MDM1: variants seen among roughly 807,000 people sequenced by gnomAD.
MDM1 encodes stabilizer of axonemal microtubules 6, also known as Mdm1 nuclear protein.
MDM1 carries 61 observed loss-of-function variants against 89.1 expected under a neutral mutation model. The ratio of observed to expected loss-of-function variants is 0.68; its 90% confidence interval spans 0.56 to 0.85. MDM1 has a LOEUF of 0.85. Ranked by LOEUF, MDM1 falls within the 40% of genes least tolerant of loss-of-function variation. The probability of loss-of-function intolerance (pLI) is 0.00; values close to 1 mark genes in which losing one functional copy is unlikely to be tolerated. For missense variants in MDM1, 820 were observed against 846.5 expected (o/e 0.97, Z 0.39); for synonymous variants, 290 against 294.1 (o/e 0.99, Z 0.14).
At chr12:68,332,077 G>T in intron 1 of MDM1, 151 bp downstream of exon 1, 2 of 1,062,660 alleles carry the variant, frequency 1.9e-6, no homozygotes, top group Non-Finnish European at 2.8e-6. Context: ...GCGGCGGGCA[G>T]ATTCTGGGGC....
At chr12:68,303,949 G>T (rs1487147476) in intron 12 of MDM1, among the ~76,000 whole-genome samples, 3 of 152,142 alleles carry the variant, frequency 2.0e-5, no homozygotes, top group African/African-American at 7.2e-5. Flanking sequence ...TTTAAAAGAA[G>T]GCAGCTAGCT....
intron 1 of MDM1, 179 bp downstream of exon 1, chr12:68,332,049 A>C: frequency 1.3e-6 from 1 of 776,084 alleles, no homozygotes; most frequent in Non-Finnish European, 2.2e-6. Context: ...GTGAGCGGAG[A>C]GGGAACTAGG....
intron 12 of MDM1, among the ~76,000 whole-genome samples, 154 bp from the exon 13 acceptor site, chr12:68,303,026 GACAA>G (rs2120800205): frequency 6.6e-6 from 1 of 151,900 alleles, no homozygotes; most frequent in East Asian, 1.9e-4. Context: ...ATATGATATA[GACAA>G]ACAGACCTGG....
rs149885352 is a variant in MDM1, at chr12:68,304,664, C to T, written c.1750-1792G>A. Among the ~76,000 whole-genome samples the T allele has an allele frequency of 4.2e-3, 641 of 151,996 alleles. 7 individuals are homozygous for T. Among genetic ancestry groups the T allele is most frequent in the African/African-American group, 0.014 (595 of 41,438 alleles). Reference sequence around the variant, plus strand: ...CTGGTTTTACAATTGCTGAAAACACCGGAAAGAAACCTGTAAAATAAAAGA... The same window carrying T: ...CTGGTTTTACAATTGCTGAAAACACTGGAAAGAAACCTGTAAAATAAAAGA... On this transcript the variant is annotated intron_variant, in intron 12 of 14. Transcript: ENST00000682720.
rs184435937 is a variant in MDM1 at position 68,310,204 on chromosome 12, C to T, written c.1749+3239G>A. Among the ~76,000 whole-genome samples, 3 of 152,330 alleles carry T rather than the reference C, an allele frequency of 2.0e-5. No individual in the cohort carries two copies. In the East Asian group the frequency reaches 5.8e-4, roughly 29 times the overall value. ...CAGGCTGGTCTTGAACTCCTGGCTT[C>T]ATGTGATCCTCCCACCTTGGCCTCC... On this transcript the variant is annotated intron_variant, in intron 12 of 14. Transcript: ENST00000682720.
intron 5 of MDM1, 77 bp downstream of exon 5, chr12:68,322,995 TG>T: frequency 1.4e-6 from 2 of 1,391,282 alleles, no homozygotes; most frequent in Non-Finnish European, 2.0e-6. Flanking sequence ...AACTCCCAGG[TG>T]GTAGTAAGTA....
At chr12:68,322,720 T>C (rs1269527388) in intron 5 of MDM1, among the ~76,000 whole-genome samples, 2 of 152,262 alleles carry the variant, frequency 1.3e-5, no homozygotes, top group Non-Finnish European at 2.9e-5. Flanking sequence ...TCACTACTGT[T>C]ACCCCTGGAG....
chr12:68,301,725 T>C (rs921571220), intron 13 of MDM1, among the ~76,000 whole-genome samples: 1 of 151,792 alleles, frequency 6.6e-6, no homozygotes, highest in African/African-American at 2.4e-5. Flanking sequence ...ATAGGAGCCC[T>C]AGAAAGAGGA....
chr12:68,325,533 G>T lies in MDM1; in HGVS notation c.541C>A (p.Pro181Thr), dbSNP rs1312365284. Reference sequence around the variant, plus strand: ...GAATTTCTCAAGGCATTATATGAAGGAACAACAGTCAATCCAGCTTTCTTA... The same window carrying T: ...GAATTTCTCAAGGCATTATATGAAGTAACAACAGTCAATCCAGCTTTCTTA... ...LRKKAGLTVVPSYNALRNSEY... is the reference protein window; with the variant it reads ...LRKKAGLTVVTSYNALRNSEY... Residue 181 changes from proline to threonine, a missense_variant, in exon 4 of 15, where the codon CCT becomes ACT. Physicochemically the swap from Pro to Thr is conservative, Grantham distance 38. Transcript: ENST00000682720. 6.3e-7 allele frequency: 1 copy of T among 1,593,682 alleles called. No individual in the cohort carries two copies. Among genetic ancestry groups the T allele is most frequent in the South Asian group, 1.2e-5 (1 of 86,028 alleles).
At chr12:68,325,805 A>C in intron 3 of MDM1, 1 of 1,154,730 alleles carries the variant, frequency 8.7e-7, no homozygotes, top group Non-Finnish European at 1.1e-6. Context: ...CTATCAAAGG[A>C]CTATTAGGCA....
chr12:68,321,939 T>C (rs1347813734), intron 5 of MDM1, among the ~76,000 whole-genome samples: 1 of 152,234 alleles, frequency 6.6e-6, no homozygotes, highest in African/African-American at 2.4e-5. Flanking sequence ...TACCACATAC[T>C]GAATTTGATA....
chr12:68,298,556 A>T (rs1169383349), intron 13 of MDM1, among the ~76,000 whole-genome samples: 1 of 152,120 alleles, frequency 6.6e-6, no homozygotes, highest in African/African-American at 2.4e-5. Context: ...GCCTTCCTGG[A>T]ACACTTTAGG....
Position 68,314,914 on chromosome 12 carries a change from C to T in MDM1, c.1529+34G>A, listed in dbSNP as rs370046386. Reference sequence around the variant, plus strand: ...AAATACATATCAACCATGTAAATAACGCTTCTCTATACTGAGTAATTTAAA... The same window carrying T: ...AAATACATATCAACCATGTAAATAATGCTTCTCTATACTGAGTAATTTAAA... On this transcript the variant is annotated intron_variant, in intron 10 of 14. Coordinates refer to ENST00000682720, the MANE Select transcript of MDM1 (RefSeq NM_001354969.2). 47 of 1,524,918 alleles carry T rather than the reference C, an allele frequency of 3.1e-5. No homozygotes were observed. The African/African-American group carries it at 5.2e-4, about 17-fold the overall frequency. The allele number at this position is 1,524,918 out of a possible 1,614,324, so 94.5% of individuals were successfully genotyped here.
rs992389394 is a variant in MDM1 at position 68,323,009 on chromosome 12, C to T, written c.801+64G>A. 7.9e-6 allele frequency: 12 copies of T among 1,511,894 alleles called. No individual in the cohort carries two copies. The South Asian group carries it at 1.0e-4, about 13-fold the overall frequency. 93.7% of individuals were successfully genotyped at this position (1,511,894 alleles called of 1,614,324 possible). On this transcript the variant is annotated intron_variant, in intron 5 of 14. Transcript: ENST00000682720. ...AAACTCCCAGGTGGTAGTAAGTAAACGAAAACGTGGAGAATCTAAAATAAC... is the reference window on the plus strand; with the variant it reads ...AAACTCCCAGGTGGTAGTAAGTAAATGAAAACGTGGAGAATCTAAAATAAC...
chr12:68,316,493 G>A, intron 8 of MDM1, 88 bp downstream of exon 8: 1 of 1,152,426 alleles, frequency 8.7e-7, no homozygotes, highest in Admixed American at 2.2e-5. Context: ...TAGCAGCTAA[G>A]AAAAATATTG....
At chr12:68,305,281 A>T (rs189289106) in intron 12 of MDM1, among the ~76,000 whole-genome samples, 9 of 152,296 alleles carry the variant, frequency 5.9e-5, no homozygotes, top group African/African-American at 1.9e-4. Context: ...AAATAATAAG[A>T]GCCATCTATG....
rs778162787 is a variant in MDM1, at chr12:68,302,644, TA to T, written c.1977del (p.Arg660GlufsTer14). Reference protein sequence around the residue: ...WHPSRRIQGSLRDPEFQHNVG... With the variant: ...WHPSRRIQGSXRDPEFQHNVG... Reference sequence around the variant, plus strand: ...CCATTGTGCTGAAACTCTGGATCTCTAAGAGAGCCCTGAATTCGTCGAGAGG... The same window carrying T: ...CCATTGTGCTGAAACTCTGGATCTCTAGAGAGCCCTGAATTCGTCGAGAGG... On this transcript the variant is annotated frameshift_variant, in exon 13 of 15. Coordinates refer to ENST00000682720, the MANE Select transcript of MDM1 (RefSeq NM_001354969.2). LOFTEE classifies it high-confidence loss of function. The T allele has an allele frequency of 5.0e-6, 8 of 1,613,688 alleles. 1 individual carries two copies. The South Asian group carries it at 7.7e-5, about 16-fold the overall frequency.
intron 2 of MDM1, among the ~76,000 whole-genome samples, chr12:68,328,569 T>TA (rs1264233003): frequency 6.6e-6 from 1 of 152,168 alleles, no homozygotes; most frequent in Non-Finnish European, 1.5e-5. Context: ...AAATTTATTA[T>TA]AAAAAATAGC....
Position 68,295,144 on chromosome 12 carries a change from T to C in MDM1, c.*110A>G. ...AAACTGTTCTATTGGAAATTAAATA[T>C]TTCAAAGTAGAAAACGTTAGGAAAA... On this transcript the variant is annotated 3_prime_UTR_variant, in exon 15 of 15. Coordinates refer to ENST00000682720, the MANE Select transcript of MDM1 (RefSeq NM_001354969.2). The C allele has an allele frequency of 3.1e-6, 2 of 646,644 alleles. No homozygotes were observed. Among genetic ancestry groups the C allele is most frequent in the Non-Finnish European group, 5.5e-6 (2 of 366,404 alleles). The allele number at this position is 646,644 out of a possible 1,614,324, so 40.1% of individuals were successfully genotyped here. A position where few individuals can be genotyped will look rare whatever the true frequency, so the allele number is the denominator to read the frequency against.
Sources: allele counts gnomAD v4.1 joint callset (sites outside exome capture counted in the v4.1 genomes callset), GRCh38; gene constraint gnomAD v4.1.1; transcripts MANE v1.5; gene names NCBI Gene and HGNC (gene_info 2026-07-23, HGNC 2026-07-21).